Variants in RGPD2 observed in about 807,000 individuals in gnomAD.
RGPD2 encodes RANBP2 like and GRIP domain containing 2.
A neutral mutation model predicts 36.0 loss-of-function variants in RGPD2; 2 were observed. That is an observed-to-expected ratio of 0.06 (90% CI 0.02 to 0.17). The LOEUF (loss-of-function observed/expected upper bound fraction) is 0.17, where lower values mean the gene tolerates loss of function less well. Ranked by LOEUF, RGPD2 falls within the 10% of genes least tolerant of loss-of-function variation. The pLI is 1.00. For missense variants in RGPD2, 40 were observed against 464.3 expected (o/e 0.09, Z 8.40); for synonymous variants, 19 against 163.8 (o/e 0.12, Z 6.75).
At chr2:87,964,449 G>A in the RGPD2 span, among the ~76,000 whole-genome samples, 2 of 151,938 alleles carry the variant, frequency 1.3e-5, no homozygotes, top group Non-Finnish European at 2.9e-5. Flanking sequence ...TCATTTTATT[G>A]CACTACATTT....
the RGPD2 span, among the ~76,000 whole-genome samples, chr2:87,962,283 A>G: frequency 2.0e-5 from 3 of 152,320 alleles, no homozygotes; most frequent in East Asian, 5.8e-4. Flanking sequence ...TAAACATTAC[A>G]GTCTTATGTG....
At chr2:87,786,160 AT>A (rs1228585943) in intron 18 of RGPD2, among the ~76,000 whole-genome samples, 2 of 102,032 alleles carry the variant, frequency 2.0e-5, no homozygotes, top group African/African-American at 6.8e-5. Context: ...TAAAAAAAAA[AT>A]CTTAGTCTGA....
chr2:87,856,566 TGTAGAG>T, the RGPD2 span, among the ~76,000 whole-genome samples: 1 of 146,428 alleles, frequency 6.8e-6, no homozygotes, highest in African/African-American at 2.5e-5. Context: ...CTGTCCTACA[TGTAGAG>T]GCATTTGAGT....
intron 6 of RGPD2, among the ~76,000 whole-genome samples, chr2:87,809,809 C>T (rs1476185847): frequency 6.7e-6 from 1 of 149,348 alleles, no homozygotes; most frequent in East Asian, 2.0e-4. Context: ...GTCATCTCCC[C>T]TCCTGAGCCT....
chr2:87,781,447 GTTT>G (rs991511013), intron 20 of RGPD2, among the ~76,000 whole-genome samples: 1 of 118,450 alleles, frequency 8.4e-6, no homozygotes, highest in Non-Finnish European at 1.8e-5. Context: ...CAATATCATG[GTTT>G]TTTTTGTTTT....
At chr2:87,806,170 T>TA (rs1351997565) in intron 7 of RGPD2, among the ~76,000 whole-genome samples, 1 of 124,262 alleles carries the variant, frequency 8.0e-6, no homozygotes, top group African/African-American at 2.8e-5. Context: ...TCAAAAAAAA[T>TA]AAAAAAATAA....
At chr2:87,864,617 G>GATAGATAC in the RGPD2 span, among the ~76,000 whole-genome samples, 541 of 25,912 alleles carry the variant, frequency 0.021, no homozygotes, top group Non-Finnish European at 0.031. Context: ...TAGATAGATA[G>GATAGATAC]ATAGATACAT....
At chr2:87,923,630 T>G in the RGPD2 span, among the ~76,000 whole-genome samples, 307 of 149,602 alleles carry the variant, frequency 2.1e-3, 1 homozygote, top group African/African-American at 7.3e-3. Flanking sequence ...GGAAAATCAC[T>G]AAGCTCCTAG....
chr2:87,882,130 G>A, the RGPD2 span, among the ~76,000 whole-genome samples: 112 of 152,170 alleles, frequency 7.4e-4, no homozygotes, highest in African/African-American at 2.2e-3. Context: ...CTTCAACACT[G>A]AGGATTACAT....
chr2:87,936,362 A>G, the RGPD2 span, among the ~76,000 whole-genome samples: 1 of 148,484 alleles, frequency 6.7e-6, no homozygotes, highest in Non-Finnish European at 1.5e-5. Flanking sequence ...TAATCATGGT[A>G]TTGTTTCTTA....
chr2:87,937,961 G>T, the RGPD2 span, among the ~76,000 whole-genome samples: 17 of 151,698 alleles, frequency 1.1e-4, no homozygotes, highest in Admixed American at 1.1e-3. Flanking sequence ...AAACTTAGTT[G>T]GAGAAGTTTC....
chr2:87,769,920 A>G (rs1277768232), intron 22 of RGPD2, among the ~76,000 whole-genome samples: 3 of 152,068 alleles, frequency 2.0e-5, no homozygotes, highest in Non-Finnish European at 2.9e-5. Context: ...AAAAATATAC[A>G]TGATGTATTC....
chr2:87,940,312 C>A, the RGPD2 span, among the ~76,000 whole-genome samples: 1 of 151,740 alleles, frequency 6.6e-6, no homozygotes, highest in Non-Finnish European at 1.5e-5. Context: ...ACTTAGCATC[C>A]TCTATAAAGA....
At chr2:87,973,905 G>C in the RGPD2 span, among the ~76,000 whole-genome samples, 1 of 150,732 alleles carries the variant, frequency 6.6e-6, no homozygotes, top group African/African-American at 2.4e-5. Flanking sequence ...CACATAGCAA[G>C]TGCTAAACAA....
the RGPD2 span, among the ~76,000 whole-genome samples, chr2:87,973,923 C>T: frequency 6.6e-6 from 1 of 151,544 alleles, no homozygotes; most frequent in Non-Finnish European, 1.5e-5. Flanking sequence ...CAAATGCTAG[C>T]CTGGTTATTA....
the RGPD2 span, among the ~76,000 whole-genome samples, chr2:87,860,382 C>G: frequency 6.6e-6 from 1 of 151,350 alleles, no homozygotes; most frequent in East Asian, 1.9e-4. Flanking sequence ...CATGAAGACT[C>G]TACTCTTGAT....
chr2:87,886,238 C>A, the RGPD2 span, among the ~76,000 whole-genome samples: 72 of 151,790 alleles, frequency 4.7e-4, no homozygotes, highest in African/African-American at 1.6e-3. Context: ...TCCCAGATAT[C>A]CTCATGACTT....
the RGPD2 span, among the ~76,000 whole-genome samples, chr2:87,868,735 T>C: frequency 6.6e-6 from 1 of 151,796 alleles, no homozygotes; most frequent in Non-Finnish European, 1.5e-5. Context: ...AAAAACTCTT[T>C]ACCCAAATAT....
chr2:87,842,123 G>C, the RGPD2 span, among the ~76,000 whole-genome samples: 1 of 152,148 alleles, frequency 6.6e-6, no homozygotes, highest in East Asian at 1.9e-4. Context: ...GGCCAAAACT[G>C]GAAGCATTCC....
Sources: gnomAD v4.1 joint callset for allele counts (sites outside exome capture counted in the v4.1 genomes callset) on GRCh38, gnomAD v4.1.1 for gene constraint, MANE v1.5 for transcripts, NCBI Gene and HGNC (gene_info 2026-07-23, HGNC 2026-07-21) for gene names.